The following WDR41 variants were observed in gnomAD, a reference collection of about 807,000 sequenced individuals.
WDR41 encodes the protein WD repeat domain 41, also known as WD repeat-containing protein 41.
In WDR41, 63 loss-of-function variants were observed where a neutral mutation model predicts 69.3. The observed-to-expected ratio is 0.91, with a 90% CI of 0.74 to 1.12. The LOEUF is 1.12. Ranked by LOEUF, WDR41 falls within the 50% of genes most tolerant of loss-of-function variation. The pLI is 0.00. For synonymous variants in WDR41, 185 were observed against 192.1 expected (o/e 0.96, Z 0.31); for missense variants, 543 against 534.5 (o/e 1.02, Z -0.16).
At chr5:77,576,278 C>T (rs2112282332) in intron 1 of WDR41, among the ~76,000 whole-genome samples, 1 of 152,198 alleles carries the variant, frequency 6.6e-6, no homozygotes, top group South Asian at 2.1e-4. Flanking sequence ...TATTAACATG[C>T]ACAATTCTCC....
chr5:77,489,348 C>G (rs948421615), intron 2 of WDR41, 109 bp downstream of exon 2: 1 of 560,416 alleles, frequency 1.8e-6, no homozygotes, highest in African/African-American at 2.0e-5. Context: ...CTAATGATCA[C>G]AGTTTTTAAA....
chr5:77,532,853 C>T (rs1051859807), intron 1 of WDR41, among the ~76,000 whole-genome samples: 7 of 151,938 alleles, frequency 4.6e-5, no homozygotes. Flanking sequence ...ATAGTGGTTA[C>T]ACTTGGGAGA....
chr5:77,570,428 G>A (rs1362692166), intron 1 of WDR41, among the ~76,000 whole-genome samples: 2 of 149,318 alleles, frequency 1.3e-5, no homozygotes, highest in Non-Finnish European at 3.0e-5. Context: ...ATGAAACTAG[G>A]GTACATTATT....
At chr5:77,491,960 G>C in intron 1 of WDR41, 2 of 574,436 alleles carry the variant, frequency 3.5e-6, no homozygotes, top group Non-Finnish European at 3.0e-6. Flanking sequence ...TGCAGCTCCA[G>C]GGTGCGCCTG....
chr5:77,462,319 G>GA (rs1200764732), intron 4 of WDR41, among the ~76,000 whole-genome samples: 3 of 145,812 alleles, frequency 2.1e-5, no homozygotes, highest in African/African-American at 7.6e-5. Flanking sequence ...TGAAGCAGGA[G>GA]AATCGCTTGA....
chr5:77,481,182 G>C (rs1034145814), intron 2 of WDR41, among the ~76,000 whole-genome samples: 5 of 152,054 alleles, frequency 3.3e-5, no homozygotes, highest in Non-Finnish European at 1.5e-5. Context: ...GCTGATTTTT[G>C]TATGTTTAGT....
chr5:77,556,410 A>T (rs115500410), intron 1 of WDR41, among the ~76,000 whole-genome samples: 48,043 of 151,392 alleles, frequency 0.32, 9,216 homozygotes, highest in African/African-American at 0.52. Context: ...CGACTGACTG[A>T]CTGTTTGTTT....
chr5:77,439,055 C>T (rs1399320000), intron 9 of WDR41, among the ~76,000 whole-genome samples: 2 of 152,154 alleles, frequency 1.3e-5, no homozygotes, highest in African/African-American at 4.8e-5. Flanking sequence ...TAAAGTCACA[C>T]AAGAAATGAA....
At chr5:77,589,236 G>A (rs1744093912) in intron 1 of WDR41, among the ~76,000 whole-genome samples, 1 of 152,106 alleles carries the variant, frequency 6.6e-6, no homozygotes, top group Non-Finnish European at 1.5e-5. Flanking sequence ...AGAATGAATT[G>A]TATATCTATA....
intron 1 of WDR41, among the ~76,000 whole-genome samples, chr5:77,609,617 TAACA>T (rs1744501756): frequency 6.6e-6 from 1 of 152,096 alleles, no homozygotes. Context: ...GAAGGAAAAC[TAACA>T]AACAGAAAGG....
At chr5:77,565,060 C>G (rs1484139587) in intron 1 of WDR41, among the ~76,000 whole-genome samples, 1 of 152,116 alleles carries the variant, frequency 6.6e-6, no homozygotes, top group African/African-American at 2.4e-5. Flanking sequence ...GGGCTCCCAG[C>G]TCAGTACTTC....
At chr5:77,496,315 G>C (rs187482386), upstream of WDR41, among the ~76,000 whole-genome samples, 869 of 151,990 alleles carry the variant, frequency 5.7e-3, 6 homozygotes, top group South Asian at 9.8e-3. Flanking sequence ...GAAAGGAAGA[G>C]GTAAAGCTCT....
At chr5:77,471,638 AC>A (rs1800617444) in intron 2 of WDR41, among the ~76,000 whole-genome samples, 1 of 152,198 alleles carries the variant, frequency 6.6e-6, no homozygotes, top group African/African-American at 2.4e-5. Flanking sequence ...ATCAGAGAAT[AC>A]TAAAAACACC....
chr5:77,466,011 T>C (rs945499773), intron 2 of WDR41, among the ~76,000 whole-genome samples: 4 of 151,980 alleles, frequency 2.6e-5, no homozygotes, highest in African/African-American at 9.7e-5. Context: ...ATCCTTTGAG[T>C]ACATCTACTA....
At chr5:77,582,715 C>A in intron 1 of WDR41, 1 of 1,592,784 alleles carries the variant, frequency 6.3e-7, no homozygotes, top group Non-Finnish European at 8.5e-7. Flanking sequence ...GCTTCTTCGC[C>A]TTCGTCAAAT....
At chr5:77,600,681 A>G (rs1318465948) in intron 1 of WDR41, among the ~76,000 whole-genome samples, 1 of 152,100 alleles carries the variant, frequency 6.6e-6, no homozygotes, top group East Asian at 1.9e-4. Context: ...GGAGTTCAAG[A>G]CCAGCCTGGA....
intron 2 of WDR41, among the ~76,000 whole-genome samples, chr5:77,484,629 C>G (rs1242731982): frequency 6.6e-6 from 1 of 152,144 alleles, no homozygotes; most frequent in Non-Finnish European, 1.5e-5. Flanking sequence ...TTAACTTTTT[C>G]AAGCCATCAA....
intron 1 of WDR41, among the ~76,000 whole-genome samples, chr5:77,504,929 G>A (rs546395207): frequency 2.0e-5 from 3 of 152,140 alleles, no homozygotes; most frequent in African/African-American, 7.2e-5. Context: ...TACTGAATGG[G>A]CAAAAACTGG....
At chr5:77,465,605 C>T (rs1482811603) in intron 2 of WDR41, among the ~76,000 whole-genome samples, 1 of 152,024 alleles carries the variant, frequency 6.6e-6, no homozygotes, top group Non-Finnish European at 1.5e-5. Context: ...ATAATCACAT[C>T]ATAAGCATGT....
Sources: allele counts gnomAD v4.1 joint callset (sites outside exome capture counted in the v4.1 genomes callset), GRCh38; gene constraint gnomAD v4.1.1; transcripts MANE v1.5; gene names NCBI Gene and HGNC (gene_info 2026-07-23, HGNC 2026-07-21).